The following GCNT1 variants were observed in gnomAD, a reference collection of about 807,000 sequenced individuals.
GCNT1 encodes the protein beta-1,3-galactosyl-O-glycosyl-glycoprotein beta-1,6-N-acetylglucosaminyltransferase.
A neutral mutation model predicts 26.2 loss-of-function variants in GCNT1; 16 were observed. That is an observed-to-expected ratio of 0.61 (90% CI 0.41 to 0.93). GCNT1 has a LOEUF of 0.93. GCNT1 is among the 40% of genes least tolerant of loss of function. The pLI is 0.00. For synonymous variants in GCNT1, 183 were observed against 190.8 expected, an observed-to-expected ratio of 0.96 and a Z score of 0.34; for missense variants, 477 against 526.7, an observed-to-expected ratio of 0.91 and a Z score of 0.92.
At chr9:76,493,310 A>G (rs899158362) in intron 2 of GCNT1, among the ~76,000 whole-genome samples, 3 of 152,154 alleles carry the variant, frequency 2.0e-5, no homozygotes, top group African/African-American at 7.2e-5. Flanking sequence ...CATTTACTTG[A>G]CTAAGATACC....
At chr9:76,500,554 A>G (rs1825036648) in intron 2 of GCNT1, among the ~76,000 whole-genome samples, 1 of 152,168 alleles carries the variant, frequency 6.6e-6, no homozygotes, top group Non-Finnish European at 1.5e-5. Context: ...CAGGATTGTC[A>G]TTAATTTGCC....
At chr9:76,444,880 A>G (rs1028874433) in intron 1 of GCNT1, among the ~76,000 whole-genome samples, 3 of 152,190 alleles carry the variant, frequency 2.0e-5, no homozygotes, top group African/African-American at 7.2e-5. Flanking sequence ...TCAGTTTTCT[A>G]TGAAGCAGGA....
intron 1 of GCNT1, among the ~76,000 whole-genome samples, chr9:76,442,538 G>A (rs1253196921): frequency 2.0e-5 from 3 of 152,078 alleles, no homozygotes; most frequent in Middle Eastern, 3.2e-3. Context: ...AAAATTAGCT[G>A]GGCTTGGTGG....
intron 2 of GCNT1, among the ~76,000 whole-genome samples, chr9:76,491,368 A>C (rs1824733138): frequency 6.6e-6 from 1 of 152,104 alleles, no homozygotes; most frequent in African/African-American, 2.4e-5. Flanking sequence ...GGGTTTTTGC[A>C]CTGCATGCAA....
rs192801172 is a variant in GCNT1 at position 76,442,702 on chromosome 9, A to G, written c.-290+387A>G. Among the ~76,000 whole-genome samples the G allele has an allele frequency of 2.2e-4, 33 of 152,202 alleles. No homozygotes were observed. In the East Asian group the frequency reaches 6.0e-3, roughly 28 times the overall value. Reference sequence around the variant, plus strand: ...TCTCAAAAAAGAAAGAAAGAAACTAACACAGTGGTTTTATCTGATTATCCG... The same window carrying G: ...TCTCAAAAAAGAAAGAAAGAAACTAGCACAGTGGTTTTATCTGATTATCCG... On this transcript the variant is annotated intron_variant, in intron 1 of 2. Coordinates refer to the GCNT1 transcript ENST00000442371.
At chr9:76,441,136 C>G (rs1445196561), upstream of GCNT1, among the ~76,000 whole-genome samples, 1 of 151,690 alleles carries the variant, frequency 6.6e-6, no homozygotes, top group Non-Finnish European at 1.5e-5. Flanking sequence ...GGTGCAGGAC[C>G]TAGGCATCAG....
At chr9:76,489,734 C>T (rs7030155) in intron 2 of GCNT1, among the ~76,000 whole-genome samples, 11,071 of 151,100 alleles carry the variant, frequency 0.073, 1,285 homozygotes, top group African/African-American at 0.25. Flanking sequence ...CAGCTGGCTT[C>T]ACCTCTCAAT....
chr9:76,444,929 T>G (rs1823551451), intron 1 of GCNT1, among the ~76,000 whole-genome samples: 1 of 152,168 alleles, frequency 6.6e-6, no homozygotes, highest in African/African-American at 2.4e-5. Context: ...CACCTGTTCA[T>G]TTACGTGCTG....
chr9:76,452,402 T>C lies in GCNT1; in HGVS notation c.-290+10087T>C, dbSNP rs1412442382. Among the ~76,000 whole-genome samples the C allele has an allele frequency of 2.6e-5, 4 of 152,334 alleles. No homozygotes were observed. The East Asian group carries it at 7.7e-4, about 29-fold the overall frequency. On this transcript the variant is annotated intron_variant, in intron 1 of 2. Coordinates refer to the GCNT1 transcript ENST00000442371. The stretch of plus-strand genomic sequence containing the variant: ...TAGTCTATCTTACTTAGAAATGATC[T>C]AGGTACTTATATTAGACCATTCTTG...
upstream of GCNT1, among the ~76,000 whole-genome samples, chr9:76,416,677 T>G (rs1232543822): frequency 1.3e-5 from 2 of 152,228 alleles, no homozygotes; most frequent in African/African-American, 4.8e-5. Flanking sequence ...TCACTACGTA[T>G]TTAACTAACA....
chr9:76,438,273 A>C (rs950283426), upstream of GCNT1, among the ~76,000 whole-genome samples: 2 of 152,154 alleles, frequency 1.3e-5, no homozygotes, highest in African/African-American at 4.8e-5. Flanking sequence ...ACTCAAAGGG[A>C]GGTGTGGGGG....
chr9:76,448,172 C>G (rs1823607266), intron 1 of GCNT1, among the ~76,000 whole-genome samples: 1 of 152,184 alleles, frequency 6.6e-6, no homozygotes, highest in Non-Finnish European at 1.5e-5. Flanking sequence ...ATACACACAG[C>G]CAGGCGCGGT....
At chr9:76,410,619 A>T in the GCNT1 span, among the ~76,000 whole-genome samples, 4 of 152,292 alleles carry the variant, frequency 2.6e-5, no homozygotes, top group East Asian at 5.8e-4. Flanking sequence ...TTAAAAAAAT[A>T]AAAAACTAAT....
upstream of GCNT1, among the ~76,000 whole-genome samples, chr9:76,439,703 G>A (rs114989884): frequency 7.2e-3 from 1,098 of 152,226 alleles, 13 homozygotes; most frequent in African/African-American, 0.025. Context: ...TGCTCTCCTT[G>A]CACTAATATG....
intron 2 of GCNT1, among the ~76,000 whole-genome samples, chr9:76,482,364 G>A (rs1191771815): frequency 6.6e-6 from 1 of 151,758 alleles, no homozygotes; most frequent in Non-Finnish European, 1.5e-5. Context: ...CTCCATGCCT[G>A]TGATCCCAGC....
chr9:76,413,949 C>G, the GCNT1 span, among the ~76,000 whole-genome samples: 1 of 152,186 alleles, frequency 6.6e-6, no homozygotes, highest in South Asian at 2.1e-4. Context: ...GACACATTCT[C>G]AAGATCAGTG....
intron 2 of GCNT1, among the ~76,000 whole-genome samples, chr9:76,465,711 C>T (rs970292833): frequency 1.3e-5 from 2 of 152,194 alleles, no homozygotes; most frequent in Non-Finnish European, 2.9e-5. Context: ...CCAGTGATGG[C>T]GTAGCAGCAC....
At chr9:76,472,467 C>G (rs1309768006) in intron 2 of GCNT1, among the ~76,000 whole-genome samples, 1 of 152,182 alleles carries the variant, frequency 6.6e-6, no homozygotes, top group Non-Finnish European at 1.5e-5. Context: ...TGGTTAAAGG[C>G]AGCTTTCCAC....
upstream of GCNT1, among the ~76,000 whole-genome samples, chr9:76,440,786 C>T (rs1031525135): frequency 8.5e-5 from 13 of 152,080 alleles, no homozygotes; most frequent in African/African-American, 2.9e-4. Flanking sequence ...CCTATGCCTG[C>T]CGGGTGCAGT....
Sources: gnomAD v4.1 joint callset for allele counts (sites outside exome capture counted in the v4.1 genomes callset) on GRCh38, gnomAD v4.1.1 for gene constraint, MANE v1.5 for transcripts, NCBI Gene and HGNC (gene_info 2026-07-23, HGNC 2026-07-21) for gene names.